Variants in LGALS2 observed in about 807,000 individuals in gnomAD.
LGALS2 encodes the protein galectin-2.
A neutral mutation model predicts 10.1 loss-of-function variants in LGALS2; 7 were observed. The observed-to-expected ratio is 0.70, with a 90% CI of 0.40 to 1.31. The LOEUF (loss-of-function observed/expected upper bound fraction) is 1.31. LGALS2 is among the 50% of genes most tolerant of loss of function. The pLI, the probability that LGALS2 is intolerant of heterozygous loss-of-function variation, is 0.01. For missense variants in LGALS2, 167 were observed against 163.6 expected (o/e 1.02, Z -0.11); for synonymous variants, 86 against 64.2 (o/e 1.34, Z -1.63).
At chr22:37,577,535 C>CTTTTTT (rs1242922699) in intron 1 of LGALS2, among the ~76,000 whole-genome samples, 1 of 147,142 alleles carries the variant, frequency 6.8e-6, no homozygotes, top group African/African-American at 2.5e-5. Context: ...TCTTCTTCTT[C>CTTTTTT]TTCTTTTTTG....
chr22:37,579,082 C>CA (rs199979836), intron 1 of LGALS2, among the ~76,000 whole-genome samples: 63,904 of 124,256 alleles, frequency 0.51, 17,139 homozygotes, highest in African/African-American at 0.64. Flanking sequence ...AACTCCATCT[C>CA]AACAAAAAAA....
In LGALS2 at chr22:37,571,886, G is replaced by A; in HGVS notation, c.52C>T (p.Leu18=). The A allele has an allele frequency of 1.2e-6, 2 of 1,614,128 alleles. No individual in the cohort carries two copies. The highest frequency in any genetic ancestry group is 1.7e-6 in the Non-Finnish European group (2 of 1,180,006). The change falls in exon 2 of 4, where the codon CTG becomes TTG. Residue 18 remains leucine (L), a synonymous_variant. Coordinates refer to ENST00000215886, the MANE Select transcript of LGALS2 (RefSeq NM_006498.3). ...TCGGCGATGCTGCCTGTGATCTTCA[G>A]GGTTGACCCCGGCTTCATGTCCATG... is the stretch of plus-strand genomic sequence containing the variant. ...KNMDMKPGST[L]KITGSIADGT...
chr22:37,573,822 T>C (rs1365600949), intron 1 of LGALS2, among the ~76,000 whole-genome samples: 10 of 151,678 alleles, frequency 6.6e-5, no homozygotes, highest in Non-Finnish European at 1.5e-4. Context: ...CCTCCACCTC[T>C]CAGGTTCAAG....
Position 37,571,862 on chromosome 22 carries a change from C to T in LGALS2, c.76G>A (p.Asp26Asn), listed in dbSNP as rs577435174. Residue 26 changes from aspartate (D) to asparagine (N), a missense_variant, in exon 2 of 4, where the codon GAT becomes AAT. Asp to Asn is a conservative substitution (Grantham distance 23). Transcript: ENST00000215886. ...STLKITGSIA[D>N]GTDGFVINLG... ...AACCTTGCTCACCCATCAGTGCCAT[C>T]GGCGATGCTGCCTGTGATCTTCAGG... The T allele has an allele frequency of 4.8e-5, 78 of 1,614,034 alleles. No individual in the cohort carries two copies. Among genetic ancestry groups the T allele is most frequent in the Admixed American group, 4.0e-4 (24 of 60,020 alleles).
At position 37,570,290 on chromosome 22, in the gene LGALS2, G is replaced by A; in HGVS notation, c.372C>T (p.Asn124=). The change falls in exon 4 of 4, where the codon AAC becomes AAT. Residue 124 remains asparagine (N), a synonymous_variant. Transcript: ENST00000215886. ...LSYLSVRGGF[N]MSSFKLKE is the part of the protein sequence containing the mutation. The stretch of plus-strand genomic sequence containing the variant: ...ATTCTTTTAACTTGAAAGAGGACAT[G>A]TTGAACCCGCCCCTTACGCTCAGGT... The A allele has an allele frequency of 6.2e-7, 1 of 1,610,446 alleles. No homozygotes were observed. The highest frequency in any genetic ancestry group is 8.5e-7 in the Non-Finnish European group (1 of 1,176,992).
intron 1 of LGALS2, among the ~76,000 whole-genome samples, chr22:37,576,114 C>T (rs554892923): frequency 3.9e-5 from 6 of 152,022 alleles, no homozygotes; most frequent in Non-Finnish European, 7.4e-5. Flanking sequence ...CTTAACACAA[C>T]GGGGTTGGGT....
chr22:37,578,633 T>C (rs1925757114), intron 1 of LGALS2: 1 of 151,920 alleles, frequency 6.6e-6, no homozygotes, highest in Non-Finnish European at 1.5e-5. Flanking sequence ...CTGAGCAACA[T>C]AGTGAGACCT....
Position 37,571,829 on chromosome 22 carries a change from A to C in LGALS2, c.89+20T>G. The stretch of plus-strand genomic sequence containing the variant: ...CTATTCCGGGCCTGCAGACTCCCCC[A>C]ACCCTGAAACCTTGCTCACCCATCA... On this transcript the variant is annotated intron_variant, in intron 2 of 3. Transcript: ENST00000215886. 6.2e-7 allele frequency: 1 copy of C among 1,608,512 alleles called. No homozygotes were observed. Among genetic ancestry groups the C allele is most frequent in the Non-Finnish European group, 8.5e-7 (1 of 1,175,048 alleles).
At chr22:37,575,831 T>C (rs1925657114) in intron 1 of LGALS2, among the ~76,000 whole-genome samples, 1 of 152,204 alleles carries the variant, frequency 6.6e-6, no homozygotes, top group Non-Finnish European at 1.5e-5. Flanking sequence ...GACGGCGGCA[T>C]GTCAGACAGG....
intron 1 of LGALS2, among the ~76,000 whole-genome samples, chr22:37,572,435 C>G (rs992797476): frequency 3.3e-5 from 5 of 151,910 alleles, no homozygotes; most frequent in African/African-American, 4.8e-5. Context: ...AGTTAGCAAC[C>G]AGCCTGGGCA....
Position 37,570,617 on chromosome 22 carries a change from G to A in LGALS2, c.208C>T (p.Arg70Trp), listed in dbSNP as rs144405269. 3.8e-5 allele frequency: 62 copies of A among 1,614,242 alleles called. 1 individual carries two copies. The South Asian group carries it at 5.5e-4, about 14-fold the overall frequency. Residue 70 changes from arginine to tryptophan, a missense_variant, in exon 3 of 4, where the codon CGG (arginine) becomes TGG (tryptophan). Physicochemically the swap from Arg to Trp is moderately radical, Grantham distance 101. Transcript: ENST00000215886. ...LDGSNWGQEQ[R>W]EDHLCFSPGS... ...GGGCTGAAGCACAGGTGATCTTCCC[G>A]TTGTTCTTGCCCCCAGTTGCTGCCG...
chr22:37,573,227 C>T (rs1476254541), intron 1 of LGALS2, among the ~76,000 whole-genome samples: 12 of 151,872 alleles, frequency 7.9e-5, no homozygotes, highest in East Asian at 7.7e-4. Flanking sequence ...GACAAGATCA[C>T]GCCACTGCAC....
At chr22:37,571,469 T>TTAA (rs769403402) in intron 2 of LGALS2, among the ~76,000 whole-genome samples, 1 of 152,220 alleles carries the variant, frequency 6.6e-6, no homozygotes, top group East Asian at 1.9e-4. Context: ...CTGCCCTGGT[T>TTAA]TAATGCTCAT....
chr22:37,570,446 G>A (rs1478203848), intron 3 of LGALS2, 34 bp from the exon 4 acceptor site: 1 of 1,608,442 alleles, frequency 6.2e-7, no homozygotes, highest in Non-Finnish European at 8.5e-7. Context: ...GAGGCAGGAG[G>A]CCCTGGAAAT....
In LGALS2 at chr22:37,570,340, T is replaced by C; in HGVS notation, c.322A>G (p.Arg108Gly). ...PDGHELTFPN[R>G]LGHSHLSYLS... ...TAGCTCAGGTGGCTGTGACCCAGCC[T>C]GTTGGGAAAAGTCAGCTCGTGCCCA... The change falls in exon 4 of 4, where the codon AGG becomes GGG. Residue 108 changes from arginine to glycine, a missense_variant. Arg to Gly is a moderately radical substitution (Grantham distance 125, BLOSUM62 -2). Coordinates refer to ENST00000215886, the MANE Select transcript of LGALS2 (RefSeq NM_006498.3). 1 of 1,614,130 alleles carries C rather than the reference T, an allele frequency of 6.2e-7. No homozygotes were observed. The highest frequency in any genetic ancestry group is 8.5e-7 in the Non-Finnish European group (1 of 1,179,980).
chr22:37,579,263 A>G lies in LGALS2; in HGVS notation c.6+637T>C, dbSNP rs112088905. The stretch of plus-strand genomic sequence containing the variant: ...ACTCCATCTCAAAAAAAAAAAAAAA[A>G]AGAGAAAGAAAAGAAACAAACAAAA... On this transcript the variant is annotated intron_variant, in intron 1 of 3. Coordinates refer to ENST00000215886, the MANE Select transcript of LGALS2 (RefSeq NM_006498.3). Among the ~76,000 whole-genome samples the G allele has an allele frequency of 4.7e-4, 57 of 121,308 alleles. 2 individuals carry two copies. The highest frequency in any genetic ancestry group is 9.8e-4 in the Admixed American group (10 of 10,218). 79.6% of individuals were successfully genotyped at this position (121,308 alleles called of 152,430 possible).
chr22:37,576,618 C>T (rs935180840), intron 1 of LGALS2, among the ~76,000 whole-genome samples: 3 of 152,152 alleles, frequency 2.0e-5, no homozygotes, highest in Admixed American at 2.0e-4. Context: ...TGCGCACACA[C>T]ACGTCTAACA....
Position 37,580,024 on chromosome 22 carries a change from G to A in LGALS2, c.-119C>T. ...CATTAACTCCCTCAAGGTCCTAGGT[G>A]AGGACTTTGCCCCTTCTACCTTGTG... On this transcript the variant is annotated 5_prime_UTR_variant, in exon 1 of 4. Transcript: ENST00000215886. The A allele has an allele frequency of 9.4e-6, 10 of 1,063,394 alleles. No individual in the cohort carries two copies. The highest frequency in any genetic ancestry group is 1.4e-5 in the Non-Finnish European group (10 of 727,188). 65.9% of individuals were successfully genotyped at this position (1,063,394 alleles called of 1,614,324 possible).
At chr22:37,575,165 G>T (rs6000805) in intron 1 of LGALS2, among the ~76,000 whole-genome samples, 2 of 149,856 alleles carry the variant, frequency 1.3e-5, no homozygotes, top group Admixed American at 6.7e-5. Flanking sequence ...GGATTATAGG[G>T]GTGAGATACC....
Sources: gnomAD v4.1 joint callset for allele counts (sites outside exome capture counted in the v4.1 genomes callset) on GRCh38, gnomAD v4.1.1 for gene constraint, MANE v1.5 for transcripts, NCBI Gene and HGNC (gene_info 2026-07-23, HGNC 2026-07-21) for gene names.